The following CCSER1 variants were observed in gnomAD, a reference collection of about 807,000 sequenced individuals.
The protein encoded by CCSER1 is serine-rich coiled-coil domain-containing protein 1.
CCSER1 carries 41 observed loss-of-function variants against 82.0 expected under a neutral mutation model. That is an observed-to-expected ratio of 0.50 (90% confidence interval 0.39 to 0.65). The LOEUF (loss-of-function observed/expected upper bound fraction) is 0.65, where lower values mean the gene tolerates loss of function less well. Ranked by LOEUF, CCSER1 falls within the 30% of genes least tolerant of loss-of-function variation. The pLI, the probability that CCSER1 is intolerant of heterozygous loss-of-function variation, is 0.00. For synonymous variants in CCSER1, 414 were observed against 383.9 expected (o/e 1.08, Z -0.92); for missense variants, 1,119 against 1,064.2 (o/e 1.05, Z -0.72).
intron 9 of CCSER1, among the ~76,000 whole-genome samples, chr4:91,035,492 G>A (rs1741357653): frequency 6.6e-6 from 1 of 152,160 alleles, no homozygotes; most frequent in Admixed American, 6.6e-5. Context: ...GCACAGCTCT[G>A]AAAGCTTATG....
At chr4:91,445,845 T>C (rs1423755136) in intron 10 of CCSER1, among the ~76,000 whole-genome samples, 1 of 152,070 alleles carries the variant, frequency 6.6e-6, no homozygotes, top group African/African-American at 2.4e-5. Context: ...TTTGATTGGA[T>C]ACCTCTTCAA....
chr4:90,536,032 T>TG lies in CCSER1; in HGVS notation c.1724+67678_1724+67679insG, dbSNP rs1491393859. Among the ~76,000 whole-genome samples the TG allele has an allele frequency of 5.8e-5, 4 of 69,414 alleles. No homozygotes were observed. The East Asian group carries it at 6.0e-3, about 104-fold the overall frequency. 45.5% of individuals were successfully genotyped at this position (69,414 alleles called of 152,430 possible). A position where few individuals can be genotyped will look rare whatever the true frequency, so the allele number is the denominator to read the frequency against. On this transcript the variant is annotated intron_variant, in intron 5 of 10. Transcript: ENST00000509176. ...TAATATTTCTTTTTCTTTCTTTCTG[T>TG]TTTTTTTTTTTTTTTTTTGAGACGG... is the stretch of plus-strand genomic sequence containing the variant.
At chr4:90,132,974 T>C (rs183323646) in intron 1 of CCSER1, among the ~76,000 whole-genome samples, 15 of 152,276 alleles carry the variant, frequency 9.9e-5, no homozygotes, top group Admixed American at 9.2e-4. Flanking sequence ...TAAGCAGCAA[T>C]AGCAGCAAGT....
chr4:90,856,479 AT>A (rs1764475301), intron 8 of CCSER1, among the ~76,000 whole-genome samples: 1 of 152,154 alleles, frequency 6.6e-6, no homozygotes, highest in African/African-American at 2.4e-5. Flanking sequence ...AAGTATGGGA[AT>A]TAAGATGGGT....
At chr4:90,938,111 A>G (rs1485220637) in intron 9 of CCSER1, among the ~76,000 whole-genome samples, 1 of 152,124 alleles carries the variant, frequency 6.6e-6, no homozygotes, top group Non-Finnish European at 1.5e-5. Context: ...AAAGGGTGAC[A>G]TATTTTGAAA....
intron 1 of CCSER1, among the ~76,000 whole-genome samples, chr4:90,135,630 C>A (rs913917133): frequency 6.6e-6 from 1 of 152,186 alleles, no homozygotes; most frequent in African/African-American, 2.4e-5. Context: ...TACAGCTGTG[C>A]CTCTGGAGTG....
intron 3 of CCSER1, among the ~76,000 whole-genome samples, chr4:90,376,255 A>G (rs535706288): frequency 6.6e-6 from 1 of 152,300 alleles, no homozygotes; most frequent in African/African-American, 2.4e-5. Flanking sequence ...CCCTATGTGA[A>G]GTTATCTCTA....
chr4:91,028,204 T>C (rs981847149), intron 9 of CCSER1, among the ~76,000 whole-genome samples: 1 of 152,028 alleles, frequency 6.6e-6, no homozygotes, highest in Admixed American at 6.6e-5. Flanking sequence ...AGATATACAA[T>C]GTATATCTAC....
intron 9 of CCSER1, among the ~76,000 whole-genome samples, chr4:90,926,565 A>G (rs1729086987): frequency 6.6e-6 from 1 of 152,112 alleles, no homozygotes; most frequent in South Asian, 2.1e-4. Flanking sequence ...AGATTTGTAC[A>G]ATAAACTACT....
chr4:90,802,797 T>C (rs1757001972), intron 7 of CCSER1, among the ~76,000 whole-genome samples: 1 of 152,144 alleles, frequency 6.6e-6, no homozygotes, highest in South Asian at 2.1e-4. Context: ...TTATATGAGG[T>C]CACTTATTTA....
chr4:90,298,744 G>C (rs144148300), intron 1 of CCSER1, among the ~76,000 whole-genome samples: 11 of 151,810 alleles, frequency 7.2e-5, no homozygotes, highest in African/African-American at 2.7e-4. Flanking sequence ...CCTTCATTTC[G>C]TTATGTACCC....
intron 10 of CCSER1, among the ~76,000 whole-genome samples, chr4:91,195,296 C>A (rs1198167123): frequency 6.6e-6 from 1 of 152,120 alleles, no homozygotes; most frequent in African/African-American, 2.4e-5. Flanking sequence ...AACTTGTAGT[C>A]AACATTAAAA....
intron 8 of CCSER1, 134 bp downstream of exon 8, chr4:90,815,979 T>G (rs893122874): frequency 1.9e-6 from 1 of 531,924 alleles, no homozygotes; most frequent in African/African-American, 1.9e-5. Flanking sequence ...TGATCAGTTT[T>G]TATAATTCTG....
chr4:91,399,354 A>G (rs1752182409), intron 10 of CCSER1, among the ~76,000 whole-genome samples: 1 of 151,946 alleles, frequency 6.6e-6, no homozygotes, highest in Admixed American at 6.6e-5. Flanking sequence ...AAAGAAGTTT[A>G]TCTGTTTTAT....
chr4:91,440,656 C>A (rs1428675898), intron 10 of CCSER1, among the ~76,000 whole-genome samples: 1 of 152,086 alleles, frequency 6.6e-6, no homozygotes, highest in Non-Finnish European at 1.5e-5. Flanking sequence ...ACAAAAAACC[C>A]TTCAAAAAAT....
intron 1 of CCSER1, among the ~76,000 whole-genome samples, chr4:90,160,913 G>A (rs1729315427): frequency 6.6e-6 from 1 of 152,154 alleles, no homozygotes; most frequent in African/African-American, 2.4e-5. Context: ...TCATCAGCAT[G>A]ATTTTGTGTG....
chr4:90,415,250 C>T (rs1755620660), intron 4 of CCSER1, among the ~76,000 whole-genome samples: 1 of 152,124 alleles, frequency 6.6e-6, no homozygotes, highest in South Asian at 2.1e-4. Context: ...TGATTTGAAT[C>T]GGGAATAATT....
chr4:90,173,019 T>C (rs888721055), intron 1 of CCSER1, among the ~76,000 whole-genome samples: 2 of 151,810 alleles, frequency 1.3e-5, no homozygotes, highest in Non-Finnish European at 2.9e-5. Context: ...TAAGACCCTA[T>C]TTGGCAGGGA....
chr4:91,256,945 A>G (rs1740738629), intron 10 of CCSER1, among the ~76,000 whole-genome samples: 2 of 152,168 alleles, frequency 1.3e-5, no homozygotes, highest in Admixed American at 6.5e-5. Context: ...TTCTTTAGTT[A>G]TGCTAATAGT....
Sources: allele counts gnomAD v4.1 joint callset (sites outside exome capture counted in the v4.1 genomes callset), GRCh38; gene constraint gnomAD v4.1.1; transcripts MANE v1.5; gene names NCBI Gene and HGNC (gene_info 2026-07-23, HGNC 2026-07-21).